ST6GALNAC3: variants seen among roughly 807,000 people sequenced by gnomAD.
ST6GALNAC3 encodes alpha-N-acetylgalactosaminide alpha-2,6-sialyltransferase 3.
A neutral mutation model predicts 32.7 loss-of-function variants in ST6GALNAC3; 25 were observed. The observed-to-expected ratio is 0.76, with a 90% CI of 0.56 to 1.07. The LOEUF is 1.07. Among genes scored for constraint, ST6GALNAC3 ranks in the 50% least tolerant of loss-of-function variants. The pLI is 0.00. For missense variants in ST6GALNAC3, 355 were observed against 382.4 expected, an observed-to-expected ratio of 0.93 and a Z score of 0.60; for synonymous variants, 129 against 133.1, an observed-to-expected ratio of 0.97 and a Z score of 0.21.
chr1:76,489,485 C>G (rs549840825), intron 3 of ST6GALNAC3, among the ~76,000 whole-genome samples: 3 of 151,962 alleles, frequency 2.0e-5, no homozygotes, highest in Non-Finnish European at 2.9e-5. Context: ...TCTCTCTTCC[C>G]CTCTTTCTCT....
chr1:76,334,727 A>G (rs1647326772), intron 2 of ST6GALNAC3, among the ~76,000 whole-genome samples: 1 of 152,216 alleles, frequency 6.6e-6, no homozygotes, highest in Non-Finnish European at 1.5e-5. Context: ...CTGAAACCCT[A>G]GAAAGTATAA....
chr1:76,447,225 A>C (rs1040998625), intron 3 of ST6GALNAC3, among the ~76,000 whole-genome samples: 4 of 152,206 alleles, frequency 2.6e-5, no homozygotes, highest in Admixed American at 6.5e-5. Flanking sequence ...ATTTTAGCAA[A>C]GAGACTGGTG....
At chr1:76,224,918 C>T (rs916722543) in intron 1 of ST6GALNAC3, among the ~76,000 whole-genome samples, 1 of 152,048 alleles carries the variant, frequency 6.6e-6, no homozygotes, top group Non-Finnish European at 1.5e-5. Context: ...AGCAGAAAAC[C>T]CAGGGGGATC....
intron 2 of ST6GALNAC3, among the ~76,000 whole-genome samples, chr1:76,373,901 C>T (rs2101088770): frequency 6.6e-6 from 1 of 152,218 alleles, no homozygotes; most frequent in Middle Eastern, 3.4e-3. Flanking sequence ...CTAACCCCTT[C>T]CCACCCCCAC....
chr1:76,228,428 T>C (rs1020715903), intron 1 of ST6GALNAC3, among the ~76,000 whole-genome samples: 4 of 152,158 alleles, frequency 2.6e-5, no homozygotes, highest in African/African-American at 9.7e-5. Flanking sequence ...GGTTAATTCT[T>C]AGGTGGCCCA....
At chr1:76,223,271 T>C (rs1655882809) in intron 1 of ST6GALNAC3, among the ~76,000 whole-genome samples, 1 of 152,140 alleles carries the variant, frequency 6.6e-6, no homozygotes, top group African/African-American at 2.4e-5. Flanking sequence ...GCCATTATCC[T>C]AAGAAAGCGA....
chr1:76,269,555 C>G (rs749805584), intron 1 of ST6GALNAC3, among the ~76,000 whole-genome samples: 6 of 152,178 alleles, frequency 3.9e-5, no homozygotes, highest in Non-Finnish European at 8.8e-5. Flanking sequence ...ATTCCCCTAA[C>G]CTGGAAAACA....
At position 76,629,154 on chromosome 1, in the gene ST6GALNAC3, T is replaced by G; in HGVS notation, c.*348T>G. ...CTAGAATTGTTCAACAGTGAGTAAC[T>G]TCCAGAAGCCAAAAGAGTTTGGCTT... On this transcript the variant is annotated 3_prime_UTR_variant, in exon 5 of 5. Coordinates refer to ENST00000328299, the MANE Select transcript of ST6GALNAC3 (RefSeq NM_152996.4). The G allele has an allele frequency of 9.7e-7, 1 of 1,027,096 alleles. No homozygotes were observed. The highest frequency in any genetic ancestry group is 1.2e-6 in the Non-Finnish European group (1 of 858,296). 63.6% of individuals were successfully genotyped at this position (1,027,096 alleles called of 1,614,324 possible).
In ST6GALNAC3 at chr1:76,232,580, C is replaced by T. The variant is rs138500546; in HGVS notation, c.19-81225C>T. Among the ~76,000 whole-genome samples, 412 of 152,290 alleles carry T rather than the reference C, an allele frequency of 2.7e-3. 1 individual carries two copies. The highest frequency in any genetic ancestry group is 3.9e-3 in the Admixed American group (60 of 15,290). Reference sequence around the variant, plus strand: ...GGCTCCTTTGTGCAATTCATCTGACCGGAGAAGGTCCTCTCCTTAAGTCCT... The same window carrying T: ...GGCTCCTTTGTGCAATTCATCTGACTGGAGAAGGTCCTCTCCTTAAGTCCT... On this transcript the variant is annotated intron_variant, in intron 1 of 4. Transcript: ENST00000328299.
At position 76,457,860 on chromosome 1, in the gene ST6GALNAC3, C is replaced by T. The variant is rs573337736; in HGVS notation, c.623+45443C>T. On this transcript the variant is annotated intron_variant, in intron 3 of 4. Transcript: ENST00000328299. The stretch of plus-strand genomic sequence containing the variant: ...ATGTCTAAAACACCAAAAGCAATGG[C>T]AACAAAAGCCAAAATTGACAAATGG... Among the ~76,000 whole-genome samples, 687 of 150,114 alleles carry T rather than the reference C, an allele frequency of 4.6e-3. 5 individuals are homozygous for T. Among genetic ancestry groups the T allele is most frequent in the African/African-American group, 0.016 (658 of 41,040 alleles).
chr1:76,507,911 CA>C (rs1439473589), intron 3 of ST6GALNAC3, among the ~76,000 whole-genome samples: 1 of 152,180 alleles, frequency 6.6e-6, no homozygotes, highest in Non-Finnish European at 1.5e-5. Context: ...ACAAGGGTTC[CA>C]ATTTCTCCAC....
rs568449496 is a variant in ST6GALNAC3 at position 76,598,524 on chromosome 1, C to T, written c.624-28928C>T. On this transcript the variant is annotated intron_variant, in intron 3 of 4. Transcript: ENST00000328299. ...TCAGAACTTAAACTGATTTCGATCT[C>T]TTGGGAAAGAAATATGAATTCTAAT... Among the ~76,000 whole-genome samples, 8 of 152,232 alleles carry T rather than the reference C, an allele frequency of 5.3e-5. No homozygotes were observed. In the South Asian group the frequency reaches 1.7e-3, roughly 32 times the overall value.
In ST6GALNAC3 at chr1:76,323,383, A is replaced by G. The variant is rs142923827; in HGVS notation, c.213+9384A>G. ...TTTTCTTTTAGCTCTTACAGAGTAC[A>G]TACTATTTTACTGATTTAACTAATT... On this transcript the variant is annotated intron_variant, in intron 2 of 4. Transcript: ENST00000328299. Among the ~76,000 whole-genome samples, 80 of 152,326 alleles carry G rather than the reference A, an allele frequency of 5.3e-4. 2 individuals are homozygous for G. In the East Asian group the frequency reaches 0.015, roughly 29 times the overall value.
At chr1:76,326,738 G>A (rs11162125) in intron 2 of ST6GALNAC3, among the ~76,000 whole-genome samples, 18,539 of 150,258 alleles carry the variant, frequency 0.12, 1,705 homozygotes, top group East Asian at 0.39. Context: ...AACTATTTTA[G>A]CATGCAAAAA....
intron 2 of ST6GALNAC3, among the ~76,000 whole-genome samples, chr1:76,325,839 A>G (rs1262988449): frequency 6.6e-6 from 1 of 150,926 alleles, no homozygotes. Flanking sequence ...ATTTTGTTTC[A>G]TTGATCAACA....
chr1:76,265,665 C>T (rs534253610), intron 1 of ST6GALNAC3, among the ~76,000 whole-genome samples: 5 of 152,158 alleles, frequency 3.3e-5, no homozygotes, highest in South Asian at 2.1e-4. Context: ...TTATTGACTG[C>T]GTAACCTTGT....
chr1:76,329,796 C>CTTTATTTATTTA (rs35038225), intron 2 of ST6GALNAC3, among the ~76,000 whole-genome samples: 32 of 150,230 alleles, frequency 2.1e-4, no homozygotes, highest in African/African-American at 6.2e-4. Flanking sequence ...CTTTCTCTCT[C>CTTTATTTATTTA]TTTATTTATT....
chr1:76,584,351 T>C lies in ST6GALNAC3; in HGVS notation c.624-43101T>C, dbSNP rs11806763. The stretch of plus-strand genomic sequence containing the variant: ...TGGTTCAGAATAAACGCTGAATGAA[T>C]GAATATGTTGTAAGCCTGTTGATCC... On this transcript the variant is annotated intron_variant, in intron 3 of 4. Coordinates refer to ENST00000328299, the MANE Select transcript of ST6GALNAC3 (RefSeq NM_152996.4). 5.6e-3 allele frequency among the ~76,000 whole-genome samples: 853 copies of C among 152,270 alleles called. 5 individuals are homozygous for C. The highest frequency in any genetic ancestry group is 0.019 in the African/African-American group (803 of 41,560).
intron 1 of ST6GALNAC3, among the ~76,000 whole-genome samples, chr1:76,300,922 A>G (rs1478589645): frequency 6.6e-6 from 1 of 151,946 alleles, no homozygotes; most frequent in Non-Finnish European, 1.5e-5. Context: ...TTTTCCTGAG[A>G]GAGAAAGAGG....
Sources: gnomAD v4.1 joint callset for allele counts (sites outside exome capture counted in the v4.1 genomes callset) on GRCh38, gnomAD v4.1.1 for gene constraint, MANE v1.5 for transcripts, NCBI Gene and HGNC (gene_info 2026-07-23, HGNC 2026-07-21) for gene names.